Variants in MAST1 observed in about 807,000 individuals in gnomAD.
MAST1 encodes the protein microtubule-associated serine/threonine-protein kinase 1.
Under a neutral mutation model 124.6 loss-of-function variants are expected in MAST1, and 40 were observed. That is an observed-to-expected ratio of 0.32 (90% CI 0.25 to 0.42). MAST1 has a LOEUF of 0.42. MAST1 is among the 10% of genes least tolerant of loss of function. MAST1 has a pLI of 1.00. For missense variants in MAST1, 1,558 were observed against 2,181.9 expected (o/e 0.71, Z 5.70); for synonymous variants, 938 against 939.4 (o/e 1.00, Z 0.03).
intron 18 of MAST1, 81 bp from the exon 19 acceptor site, chr19:12,867,393 G>A (rs1213563215): frequency 2.6e-6 from 4 of 1,525,362 alleles, no homozygotes; most frequent in East Asian, 2.3e-5. Context: ...CGTTTTGCGG[G>A]GGATCCACTG....
intron 4 of MAST1, among the ~76,000 whole-genome samples, chr19:12,846,144 G>A (rs1422663290): frequency 2.0e-5 from 3 of 152,162 alleles, no homozygotes; most frequent in Non-Finnish European, 2.9e-5. Flanking sequence ...CAAGGCTTCC[G>A]TGAGCCATGA....
chr19:12,872,445 G>A (rs1599593092), intron 24 of MAST1, among the ~76,000 whole-genome samples: 1 of 152,044 alleles, frequency 6.6e-6, no homozygotes, highest in East Asian at 1.9e-4. Flanking sequence ...GTTTGGATGT[G>A]TTTCTAGCCT....
Position 12,865,190 on chromosome 19 carries a change from G to A in MAST1, c.1638+12G>A, listed in dbSNP as rs1970136699. On this transcript the variant is annotated intron_variant, in intron 14 of 25. Coordinates refer to ENST00000251472, the MANE Select transcript of MAST1 (RefSeq NM_014975.3). The surrounding 1 kb of genome is among the most constrained non-coding windows in gnomAD (Gnocchi z 7.1). Reference sequence around the variant, plus strand: ...TCCTGGACAAACAGGTGTGTGTGCGGGCATGGGGGTCGCTGAGGGTGGAGT... The same window carrying A: ...TCCTGGACAAACAGGTGTGTGTGCGAGCATGGGGGTCGCTGAGGGTGGAGT... The A allele has an allele frequency of 6.2e-7, 1 of 1,612,942 alleles. No homozygotes were observed. Among genetic ancestry groups the A allele is most frequent in the Non-Finnish European group, 8.5e-7 (1 of 1,179,306 alleles).
Position 12,873,941 on chromosome 19 carries a change from A to G in MAST1, c.3784A>G (p.Lys1262Glu), listed in dbSNP as rs765375704. The change falls in exon 26 of 26, where the codon AAG (lysine) becomes GAG (glutamate). Residue 1262 changes from lysine to glutamate, a missense_variant. By Grantham distance (56) the Lys-to-Glu change is moderately conservative. Transcript: ENST00000251472. ...SAEPPRSPLL[K>E]RVQSAEKLGA... ...CGAGCCCCCTCGCTCGCCGCTCCTC[A>G]AGCGCGTGCAGTCGGCCGAGAAGCT... 2 of 1,593,488 alleles carry G rather than the reference A, an allele frequency of 1.3e-6. No homozygotes were observed. Among genetic ancestry groups the G allele is most frequent in the Non-Finnish European group, 1.7e-6 (2 of 1,176,788 alleles).
chr19:12,845,816 C>G (rs1266646347), intron 4 of MAST1, among the ~76,000 whole-genome samples: 3 of 152,024 alleles, frequency 2.0e-5, no homozygotes, highest in Non-Finnish European at 2.9e-5. Context: ...ACCACCATGC[C>G]TGGCTAATTT....
In MAST1 at chr19:12,865,831, T is replaced by G; in HGVS notation, c.1906+13T>G. On this transcript the variant is annotated intron_variant, in intron 16 of 25. Coordinates refer to ENST00000251472, the MANE Select transcript of MAST1 (RefSeq NM_014975.3). The surrounding 1 kb of genome is among the most constrained non-coding windows in gnomAD (Gnocchi z 7.1). The stretch of plus-strand genomic sequence containing the variant: ...AGGCTTGGGGCAGGTAAGTCCGCCA[T>G]GCAGAGGAGCTGAGGGCCCACTGAT... The G allele has an allele frequency of 1.2e-6, 2 of 1,610,756 alleles. No homozygotes were observed. Among genetic ancestry groups the G allele is most frequent in the Non-Finnish European group, 8.5e-7 (1 of 1,178,116 alleles).
At chr19:12,873,112 A>G in intron 24 of MAST1, 1 of 576,744 alleles carries the variant, frequency 1.7e-6, no homozygotes, top group Non-Finnish European at 3.1e-6. Context: ...AGCTTGGACT[A>G]GGAGTGGCCA....
At chr19:12,846,195 G>A (rs997562011) in intron 4 of MAST1, among the ~76,000 whole-genome samples, 23 of 152,000 alleles carry the variant, frequency 1.5e-4, no homozygotes, top group African/African-American at 4.6e-4. Flanking sequence ...CAAGGAGACC[G>A]TGTCTCTCTC....
At chr19:12,852,541 A>C in intron 10 of MAST1, 146 bp downstream of exon 10, 1 of 774,758 alleles carries the variant, frequency 1.3e-6, no homozygotes, top group Non-Finnish European at 2.2e-6. Context: ...AATGGGATTA[A>C]TAATAGCTCT....
chr19:12,872,000 A>G (rs1970241898), intron 24 of MAST1, among the ~76,000 whole-genome samples: 1 of 151,914 alleles, frequency 6.6e-6, no homozygotes, highest in Admixed American at 6.6e-5. Flanking sequence ...AGGATCAGAG[A>G]AAAGCATTGT....
chr19:12,851,787 CATT>C (rs1474306138), intron 7 of MAST1, 144 bp from the exon 8 acceptor site: 1 of 638,286 alleles, frequency 1.6e-6, no homozygotes, highest in East Asian at 2.8e-5. Flanking sequence ...TGCCCAGCCT[CATT>C]ATTTTTACTG....
intron 4 of MAST1, among the ~76,000 whole-genome samples, chr19:12,845,226 C>T (rs1969877434): frequency 6.6e-6 from 1 of 151,684 alleles, no homozygotes; most frequent in South Asian, 2.1e-4. Flanking sequence ...TTGCTTGAAC[C>T]TGAGAACTGG....
chr19:12,871,815 C>T (rs1363911116), intron 24 of MAST1, among the ~76,000 whole-genome samples: 1 of 147,402 alleles, frequency 6.8e-6, no homozygotes, highest in African/African-American at 2.5e-5. Flanking sequence ...TACTCGGAGG[C>T]TGAAGTGGGA....
chr19:12,849,666 AAAAAAT>A (rs1385675907), intron 7 of MAST1, among the ~76,000 whole-genome samples: 15 of 152,048 alleles, frequency 9.9e-5, no homozygotes, highest in Non-Finnish European at 1.6e-4. Context: ...TCTGTCTCAA[AAAAAAT>A]AAAAATAAAA....
chr19:12,865,616 A>C lies in MAST1; in HGVS notation c.1805-101A>C. On this transcript the variant is annotated intron_variant, in intron 15 of 25. Transcript: ENST00000251472. The surrounding 1 kb of genome is among the most constrained non-coding windows in gnomAD (Gnocchi z 7.1). ...CAGGAGGTCAAGGCTGCAGTGAGCC[A>C]TGATCGTGCCACTGCACTCCAGCTG... The C allele has an allele frequency of 7.0e-7, 1 of 1,434,466 alleles. No homozygotes were observed. Among genetic ancestry groups the C allele is most frequent in the African/African-American group, 1.4e-5 (1 of 70,802 alleles). The allele number at this position is 1,434,466 out of a possible 1,614,324, so 88.9% of individuals were successfully genotyped here. A position where few individuals can be genotyped will look rare whatever the true frequency, so the allele number is the denominator to read the frequency against.
chr19:12,847,928 C>T lies in MAST1; in HGVS notation c.645C>T (p.Gly215=), dbSNP rs772301321. Residue 215 remains glycine (G), a synonymous_variant, in exon 7 of 26, where the codon GGC becomes GGT. Coordinates refer to ENST00000251472, the MANE Select transcript of MAST1 (RefSeq NM_014975.3). The surrounding 1 kb of genome is among the most constrained non-coding windows in gnomAD (Gnocchi z 5.5). ...ACAGCGTTCTGCCTCTGGCCGATGG[C>T]GTGCTCAGCTTCATCCACCACCAGA... ...EPDSVLPLAD[G]VLSFIHHQII... 2 of 1,613,848 alleles carry T rather than the reference C, an allele frequency of 1.2e-6. No homozygotes were observed. Among genetic ancestry groups the T allele is most frequent in the African/African-American group, 1.3e-5 (1 of 74,942 alleles).
In MAST1 at chr19:12,847,234, C is replaced by G; in HGVS notation, c.328-56C>G. The G allele has an allele frequency of 2.4e-6, 3 of 1,259,848 alleles. No homozygotes were observed. The highest frequency in any genetic ancestry group is 3.4e-6 in the Non-Finnish European group (3 of 876,322). The allele number at this position is 1,259,848 out of a possible 1,614,324, so 78.0% of individuals were successfully genotyped here. On this transcript the variant is annotated intron_variant, in intron 4 of 25. Coordinates refer to ENST00000251472, the MANE Select transcript of MAST1 (RefSeq NM_014975.3). This position sits in a 1 kb window ranked among gnomAD's most constrained non-coding sequence, Gnocchi z 5.5. ...GCTTTGGGAGTCCCAGCTCAGGGTC[C>G]TGAGCTGTTGGGGGGCCCATGGTGG...
chr19:12,870,732 C>T, intron 22 of MAST1, 92 bp from the exon 23 acceptor site: 2 of 1,277,064 alleles, frequency 1.6e-6, no homozygotes, highest in Non-Finnish European at 2.1e-6. Context: ...GATTCTAATG[C>T]ATGCAGAGCT....
Position 12,870,851 on chromosome 19 carries a change from G to A in MAST1, c.3031G>A (p.Glu1011Lys). The A allele has an allele frequency of 6.2e-7, 1 of 1,612,996 alleles. No homozygotes were observed. Among genetic ancestry groups the A allele is most frequent in the East Asian group, 2.2e-5 (1 of 44,844 alleles). Residue 1011 changes from glutamate to lysine, a missense_variant, in exon 23 of 26, where the codon GAG becomes AAG. By Grantham distance (56) the Glu-to-Lys change is moderately conservative. Coordinates refer to ENST00000251472, the MANE Select transcript of MAST1 (RefSeq NM_014975.3). ...TGTGGAGGAAGGAGGCCCAGCCCAGGAGGCAGGACTCTGTGCTGGGGACCT... is the reference window on the plus strand; with the variant it reads ...TGTGGAGGAAGGAGGCCCAGCCCAGAAGGCAGGACTCTGTGCTGGGGACCT... ...WHVEEGGPAQ[E>K]AGLCAGDLIT... is the part of the protein sequence containing the mutation.
Sources: allele counts gnomAD v4.1 joint callset (sites outside exome capture counted in the v4.1 genomes callset), GRCh38; gene constraint gnomAD v4.1.1; non-coding constraint Gnocchi (gnomAD v3.1); transcripts MANE v1.5; gene names NCBI Gene and HGNC (gene_info 2026-07-23, HGNC 2026-07-21).